Variants in ST6GALNAC3 observed in about 807,000 individuals in gnomAD.
ST6GALNAC3 encodes the protein ST6 N-acetylgalactosaminide alpha-2,6-sialyltransferase 3.
A neutral mutation model predicts 32.7 loss-of-function variants in ST6GALNAC3; 25 were observed. The ratio of observed to expected loss-of-function variants is 0.76; its 90% confidence interval spans 0.56 to 1.07. The LOEUF is 1.07. Among genes scored for constraint, ST6GALNAC3 ranks in the 50% least tolerant of loss-of-function variants. The pLI, the probability that ST6GALNAC3 is intolerant of heterozygous loss-of-function variation, is 0.00. For missense variants in ST6GALNAC3, 355 were observed against 382.4 expected (o/e 0.93, Z 0.60); for synonymous variants, 129 against 133.1 (o/e 0.97, Z 0.21).
intron 1 of ST6GALNAC3, among the ~76,000 whole-genome samples, chr1:76,225,081 CCTT>C (rs771124760): frequency 2.8e-4 from 43 of 152,030 alleles, no homozygotes; most frequent in Non-Finnish European, 4.0e-4. Flanking sequence ...CTGAAGCCCT[CCTT>C]TTTTTTTTCT....
At chr1:76,493,835 A>C (rs1449958680) in intron 3 of ST6GALNAC3, among the ~76,000 whole-genome samples, 4 of 152,144 alleles carry the variant, frequency 2.6e-5, no homozygotes, top group Non-Finnish European at 5.9e-5. Context: ...AATTGGAAGC[A>C]ACTTCAGAAA....
intron 1 of ST6GALNAC3, among the ~76,000 whole-genome samples, chr1:76,246,692 T>C (rs537457050): frequency 6.6e-6 from 1 of 152,326 alleles, no homozygotes; most frequent in East Asian, 1.9e-4. Flanking sequence ...GTTATTCTAG[T>C]TAACAGTTCC....
chr1:76,328,725 C>A (rs1647128437), intron 2 of ST6GALNAC3, among the ~76,000 whole-genome samples: 1 of 152,016 alleles, frequency 6.6e-6, no homozygotes, highest in Non-Finnish European at 1.5e-5. Context: ...TATATGCTCT[C>A]AATTTTGAAT....
chr1:76,254,602 C>T (rs753038113), intron 1 of ST6GALNAC3, among the ~76,000 whole-genome samples: 7 of 152,022 alleles, frequency 4.6e-5, no homozygotes, highest in Non-Finnish European at 1.0e-4. Context: ...GTTCAACCTC[C>T]TGCAAAAGCT....
chr1:76,630,069 C>G lies in ST6GALNAC3; in HGVS notation c.*1263C>G. On this transcript the variant is annotated 3_prime_UTR_variant, in exon 5 of 5. Coordinates refer to ENST00000328299, the MANE Select transcript of ST6GALNAC3 (RefSeq NM_152996.4). ...TATACCATGTGATGCCCTTGAACAC[C>G]CCATTGGGCTATTGTCTGTGTATTC... is the stretch of plus-strand genomic sequence containing the variant. 1.0e-6 allele frequency: 1 copy of G among 985,104 alleles called. No homozygotes were observed. Among genetic ancestry groups the G allele is most frequent in the South Asian group, 4.7e-5 (1 of 21,272 alleles). 61.0% of individuals were successfully genotyped at this position (985,104 alleles called of 1,614,324 possible). A position where few individuals can be genotyped will look rare whatever the true frequency, so the allele number is the denominator to read the frequency against.
chr1:76,462,089 A>G (rs1658314447), intron 3 of ST6GALNAC3, among the ~76,000 whole-genome samples: 1 of 151,960 alleles, frequency 6.6e-6, no homozygotes, highest in Non-Finnish European at 1.5e-5. Flanking sequence ...TGTCATCGAT[A>G]TGGCAACTCC....
intron 1 of ST6GALNAC3, among the ~76,000 whole-genome samples, chr1:76,246,892 T>C (rs1657294053): frequency 1.3e-5 from 2 of 152,342 alleles, no homozygotes; most frequent in Admixed American, 1.3e-4. Flanking sequence ...ATTGTGGTTT[T>C]TGGAATTTTC....
At chr1:76,091,446 T>C (rs1365243691) in intron 1 of ST6GALNAC3, among the ~76,000 whole-genome samples, 1 of 152,218 alleles carries the variant, frequency 6.6e-6, no homozygotes, top group Non-Finnish European at 1.5e-5. Flanking sequence ...CATTAATGCC[T>C]ACTGTTTGTT....
At chr1:76,299,148 T>G (rs73002408) in intron 1 of ST6GALNAC3, among the ~76,000 whole-genome samples, 1 of 152,062 alleles carries the variant, frequency 6.6e-6, no homozygotes, top group East Asian at 1.9e-4. Flanking sequence ...TTTAAGTGAA[T>G]GTAAATTATG....
At position 76,326,195 on chromosome 1, in the gene ST6GALNAC3, A is replaced by C. The variant is rs185263282; in HGVS notation, c.213+12196A>C. Among the ~76,000 whole-genome samples, 506 of 152,278 alleles carry C rather than the reference A, an allele frequency of 3.3e-3. 3 individuals are homozygous for C. The highest frequency in any genetic ancestry group is 0.012 in the African/African-American group (491 of 41,568). Reference sequence around the variant, plus strand: ...TCTCTTCACCAATGACCATTGAGCCACCTGGGGCATATTCTTCTCATGGTG... The same window carrying C: ...TCTCTTCACCAATGACCATTGAGCCCCCTGGGGCATATTCTTCTCATGGTG... On this transcript the variant is annotated intron_variant, in intron 2 of 4. Coordinates refer to ENST00000328299, the MANE Select transcript of ST6GALNAC3 (RefSeq NM_152996.4).
intron 2 of ST6GALNAC3, among the ~76,000 whole-genome samples, chr1:76,396,295 T>G (rs1284422853): frequency 6.6e-6 from 1 of 151,962 alleles, no homozygotes; most frequent in Non-Finnish European, 1.5e-5. Context: ...CAAAACCTTG[T>G]CTCTACAAAA....
chr1:76,239,255 A>G (rs1656834328), intron 1 of ST6GALNAC3, among the ~76,000 whole-genome samples: 1 of 152,102 alleles, frequency 6.6e-6, no homozygotes, highest in Admixed American at 6.5e-5. Flanking sequence ...TTTTGAATAT[A>G]TGGCCCAAGT....
At chr1:76,394,420 G>C (rs1366172221) in intron 2 of ST6GALNAC3, among the ~76,000 whole-genome samples, 1 of 152,064 alleles carries the variant, frequency 6.6e-6, no homozygotes, top group Non-Finnish European at 1.5e-5. Flanking sequence ...GGTACTAATA[G>C]CTTGTATTTT....
chr1:76,390,993 G>A (rs1181721841), intron 2 of ST6GALNAC3, among the ~76,000 whole-genome samples: 1 of 143,788 alleles, frequency 7.0e-6, no homozygotes, highest in Admixed American at 7.0e-5. Flanking sequence ...AGGCTAGAGT[G>A]CAGTGGCACG....
At chr1:76,402,897 A>G (rs1310427112) in intron 2 of ST6GALNAC3, among the ~76,000 whole-genome samples, 1 of 152,042 alleles carries the variant, frequency 6.6e-6, no homozygotes, top group Non-Finnish European at 1.5e-5. Flanking sequence ...CAATCTAACT[A>G]TACTCTTAAA....
chr1:76,081,259 A>T (rs1646891048), intron 1 of ST6GALNAC3, among the ~76,000 whole-genome samples: 1 of 150,462 alleles, frequency 6.6e-6, no homozygotes. Context: ...CATAAAATAC[A>T]CTAACACGAA....
At chr1:76,494,350 T>C (rs1660671534) in intron 3 of ST6GALNAC3, among the ~76,000 whole-genome samples, 1 of 149,458 alleles carries the variant, frequency 6.7e-6, no homozygotes, top group Non-Finnish European at 1.5e-5. Flanking sequence ...TTTTCTAATC[T>C]ATTTGTTCAT....
chr1:76,135,953 A>G (rs1649920828), intron 1 of ST6GALNAC3, among the ~76,000 whole-genome samples: 1 of 152,032 alleles, frequency 6.6e-6, no homozygotes, highest in Non-Finnish European at 1.5e-5. Flanking sequence ...TGAATCTGTG[A>G]TTCTGTCGCA....
chr1:76,209,700 A>G (rs1178873620), intron 1 of ST6GALNAC3, among the ~76,000 whole-genome samples: 1 of 152,094 alleles, frequency 6.6e-6, no homozygotes, highest in African/African-American at 2.4e-5. Flanking sequence ...TTATTAAAGA[A>G]CCAATTGACA....
Sources: gnomAD v4.1 joint callset for allele counts (sites outside exome capture counted in the v4.1 genomes callset) on GRCh38, gnomAD v4.1.1 for gene constraint, MANE v1.5 for transcripts, NCBI Gene and HGNC (gene_info 2026-07-23, HGNC 2026-07-21) for gene names.